STT3B: variants seen among roughly 807,000 people sequenced by gnomAD.
The protein encoded by STT3B is STT3 oligosaccharyltransferase complex catalytic subunit B.
In STT3B, 29 loss-of-function variants were observed where a neutral mutation model predicts 96.8. That is an observed-to-expected ratio of 0.30 (90% CI 0.22 to 0.41). The LOEUF (loss-of-function observed/expected upper bound fraction) is 0.41. STT3B is among the 10% of genes least tolerant of loss of function. STT3B has a pLI of 1.00. For synonymous variants in STT3B, 367 were observed against 360.0 expected, an observed-to-expected ratio of 1.02 and a Z score of -0.22; for missense variants, 640 against 1,022.3, an observed-to-expected ratio of 0.63 and a Z score of 5.10.
rs2125476340 is a variant in STT3B at position 31,623,569 on chromosome 3, G to T, written c.1540-105G>T. 4 of 826,552 alleles carry T rather than the reference G, an allele frequency of 4.8e-6. No homozygotes were observed. In the East Asian group the frequency reaches 1.1e-4, roughly 22 times the overall value. The allele number at this position is 826,552 out of a possible 1,614,324, so 51.2% of individuals were successfully genotyped here. On this transcript the variant is annotated intron_variant, in intron 10 of 15. Coordinates refer to ENST00000295770, the MANE Select transcript of STT3B (RefSeq NM_178862.3). ...ATGGTTATACATTTTCTGAGTCATA[G>T]AATTAAATTGATAGATAAACAGTCT...
intron 13 of STT3B, 82 bp downstream of exon 13, chr3:31,626,209 A>G: frequency 7.9e-7 from 1 of 1,270,658 alleles, no homozygotes; most frequent in Non-Finnish European, 1.1e-6. Context: ...ATTGCATTGT[A>G]TTTGTTTCAT....
Position 31,629,331 on chromosome 3 carries a change from C to T in STT3B, c.2107C>T (p.Arg703Cys), listed in dbSNP as rs747880110. 1.9e-6 allele frequency: 3 copies of T among 1,609,366 alleles called. No homozygotes were observed. The highest frequency in any genetic ancestry group is 2.5e-6 in the Non-Finnish European group (3 of 1,177,170). Reference sequence around the variant, plus strand: ...CTATTTTACCCCACAGGGAGAATTCCGTGTAGACAAAGCAGGATCCCCTAC... The same window carrying T: ...CTATTTTACCCCACAGGGAGAATTCTGTGTAGACAAAGCAGGATCCCCTAC... ...SDYFTPQGEF[R>C]VDKAGSPTLL... The change falls in exon 14 of 16, where the codon CGT (arginine) becomes TGT (cysteine). Residue 703 changes from arginine to cysteine, a missense_variant. Around this residue, in one of 8 missense-constraint regions of STT3B, gnomAD observed 40 missense variants for 122.2 expected, o/e 0.33. Coordinates refer to ENST00000295770, the MANE Select transcript of STT3B (RefSeq NM_178862.3).
chr3:31,620,996 A>G (rs1245388617), intron 9 of STT3B, among the ~76,000 whole-genome samples: 16 of 152,242 alleles, frequency 1.1e-4, no homozygotes, highest in Admixed American at 9.2e-4. Flanking sequence ...TCCCATTCCT[A>G]TGTATATATC....
intron 1 of STT3B, among the ~76,000 whole-genome samples, chr3:31,574,848 A>G (rs995465352): frequency 6.6e-6 from 1 of 152,086 alleles, no homozygotes; most frequent in Non-Finnish European, 1.5e-5. Context: ...TTTGAAATGT[A>G]TTGGGATGTG....
chr3:31,572,015 C>CATATTAATATATTAATATATGAT (rs1553603998), intron 1 of STT3B, among the ~76,000 whole-genome samples: 2 of 131,954 alleles, frequency 1.5e-5, no homozygotes, highest in East Asian at 4.1e-4. Context: ...TTTTATTAAA[C>CATATTAATATATTAATATATGAT]ATATTAATAT....
intron 2 of STT3B, 64 bp from the exon 3 acceptor site, chr3:31,579,745 C>A: frequency 7.9e-7 from 1 of 1,260,460 alleles, no homozygotes; most frequent in Non-Finnish European, 1.1e-6. Context: ...ATGAAGAGTA[C>A]ATACATTAAT....
At chr3:31,579,364 ATTTTTCT>A (rs1698330383) in intron 2 of STT3B, among the ~76,000 whole-genome samples, 1 of 149,300 alleles carries the variant, frequency 6.7e-6, no homozygotes, top group African/African-American at 2.5e-5. Flanking sequence ...TTTGTGTGTA[ATTTTTCT>A]TTATCTTCCT....
At chr3:31,607,872 T>C (rs1185517780) in intron 5 of STT3B, among the ~76,000 whole-genome samples, 2 of 152,054 alleles carry the variant, frequency 1.3e-5, no homozygotes, top group African/African-American at 4.8e-5. Context: ...AGTGTTGGGA[T>C]TACAGGCGTG....
chr3:31,543,646 A>G (rs1254892660), intron 1 of STT3B, among the ~76,000 whole-genome samples: 3 of 152,262 alleles, frequency 2.0e-5, no homozygotes, highest in Non-Finnish European at 4.4e-5. Flanking sequence ...CCCAGTTTCA[A>G]TACACATGTC....
chr3:31,603,458 G>T (rs1698978532), intron 5 of STT3B, among the ~76,000 whole-genome samples: 1 of 151,938 alleles, frequency 6.6e-6, no homozygotes, highest in African/African-American at 2.4e-5. Flanking sequence ...TCTGTTAAGA[G>T]ATATTTTTGA....
intron 3 of STT3B, among the ~76,000 whole-genome samples, chr3:31,589,257 A>T (rs1275442459): frequency 2.0e-5 from 3 of 152,016 alleles, no homozygotes; most frequent in Admixed American, 2.0e-4. Flanking sequence ...CATTACTGGT[A>T]TATAGGAACA....
chr3:31,554,543 G>A (rs193249566), intron 1 of STT3B, among the ~76,000 whole-genome samples: 101 of 151,630 alleles, frequency 6.7e-4, no homozygotes, highest in Non-Finnish European at 1.1e-3. Flanking sequence ...CCAAAACCGC[G>A]TCAGCAGCTC....
chr3:31,624,687 T>C (rs200847764), intron 11 of STT3B, among the ~76,000 whole-genome samples: 1 of 146,456 alleles, frequency 6.8e-6, no homozygotes, highest in Non-Finnish European at 1.5e-5. Context: ...TTTTTTTTTT[T>C]AAATACAAGA....
chr3:31,627,801 G>T (rs1365618527), intron 13 of STT3B, among the ~76,000 whole-genome samples: 1 of 152,148 alleles, frequency 6.6e-6, no homozygotes, highest in East Asian at 1.9e-4. Flanking sequence ...ACATGTGATA[G>T]ATCACTGTTT....
At chr3:31,582,996 G>C (rs1303070656) in intron 3 of STT3B, among the ~76,000 whole-genome samples, 1 of 152,170 alleles carries the variant, frequency 6.6e-6, no homozygotes, top group Non-Finnish European at 1.5e-5. Context: ...ATGTGTACTT[G>C]AGAAGAATTG....
At chr3:31,601,993 T>C (rs1176394305) in intron 5 of STT3B, among the ~76,000 whole-genome samples, 1 of 152,108 alleles carries the variant, frequency 6.6e-6, no homozygotes, top group Non-Finnish European at 1.5e-5. Flanking sequence ...CTGTAGTAGC[T>C]CACACCTCTT....
intron 3 of STT3B, 84 bp from the exon 4 acceptor site, chr3:31,596,714 G>C (rs1472966931): frequency 9.7e-7 from 1 of 1,035,028 alleles, no homozygotes; most frequent in East Asian, 2.4e-5. Flanking sequence ...TTTGTAGCCT[G>C]TGGTTACCAA....
At chr3:31,614,966 A>G (rs1699273917) in intron 5 of STT3B, 139 bp from the exon 6 acceptor site, 1 of 503,148 alleles carries the variant, frequency 2.0e-6, no homozygotes, top group Non-Finnish European at 3.5e-6. Flanking sequence ...ACAAATGGAC[A>G]TCTAATAAAA....
chr3:31,564,152 A>G (rs1378619407), intron 1 of STT3B, among the ~76,000 whole-genome samples: 2 of 152,208 alleles, frequency 1.3e-5, no homozygotes, highest in Middle Eastern at 3.2e-3. Flanking sequence ...TATAAAAAAA[A>G]TAGTTTACCT....
Sources: gnomAD v4.1 joint callset for allele counts (sites outside exome capture counted in the v4.1 genomes callset) on GRCh38, gnomAD v4.1.1 for gene constraint, gnomAD v4.1.1 regional missense constraint, MANE v1.5 for transcripts, NCBI Gene and HGNC (gene_info 2026-07-23, HGNC 2026-07-21) for gene names.